PPARGC1A: variants seen among roughly 807,000 people sequenced by gnomAD.
PPARGC1A encodes the protein PPARG coactivator 1 alpha.
In PPARGC1A, 25 loss-of-function variants were observed where a neutral mutation model predicts 88.7. The ratio of observed to expected loss-of-function variants is 0.28; its 90% CI spans 0.21 to 0.39. The LOEUF (loss-of-function observed/expected upper bound fraction) is 0.39, where lower values mean the gene tolerates loss of function less well. Among genes scored for constraint, PPARGC1A ranks in the 10% least tolerant of loss-of-function variants. The pLI is 1.00. For missense variants in PPARGC1A, 880 were observed against 968.7 expected (o/e 0.91, Z 1.22); for synonymous variants, 363 against 355.6 (o/e 1.02, Z -0.24).
At chr4:24,222,461 C>T in the PPARGC1A span, among the ~76,000 whole-genome samples, 39 of 152,264 alleles carry the variant, frequency 2.6e-4, no homozygotes, top group Admixed American at 2.0e-3. Context: ...GATGAGCTAA[C>T]GTATACAAAG....
the PPARGC1A span, among the ~76,000 whole-genome samples, chr4:24,443,261 T>C: frequency 1.3e-5 from 2 of 151,958 alleles, 1 homozygote; most frequent in Admixed American, 1.3e-4. Context: ...TGGGTTTTTT[T>C]TTTTTTTTTA....
Position 23,898,757 on chromosome 4 carries a change from A to T in PPARGC1A, n.52+510T>A, listed in dbSNP as rs538679975. ...AGGGTCCAGATTGTACTTTGCACCA[A>T]GCAGGTGATCAGAGTAAATTCTTTC... On this transcript the variant is annotated intron_variant and non_coding_transcript_variant, in intron 1 of 3. Coordinates refer to the PPARGC1A transcript ENST00000507342. Among the ~76,000 whole-genome samples the T allele has an allele frequency of 2.6e-5, 4 of 152,292 alleles. No homozygotes were observed. In the East Asian group the frequency reaches 7.7e-4, roughly 29 times the overall value.
the PPARGC1A span, chr4:24,091,442 T>G: frequency 1.0e-6 from 1 of 985,284 alleles, no homozygotes. Flanking sequence ...ATTTGGGTCC[T>G]GTGTGGAGCT....
At chr4:24,206,595 G>A in the PPARGC1A span, among the ~76,000 whole-genome samples, 1 of 152,126 alleles carries the variant, frequency 6.6e-6, no homozygotes, top group African/African-American at 2.4e-5. Flanking sequence ...ACTTTGGGAG[G>A]CTGAGGCAGG....
chr4:24,262,617 C>A, the PPARGC1A span, among the ~76,000 whole-genome samples: 2 of 152,046 alleles, frequency 1.3e-5, no homozygotes, highest in African/African-American at 2.4e-5. Flanking sequence ...CTTTCCAGAC[C>A]CCTTTGGCTA....
At chr4:24,258,334 G>T in the PPARGC1A span, 3 of 269,362 alleles carry the variant, frequency 1.1e-5, no homozygotes, top group Non-Finnish European at 1.7e-5. Flanking sequence ...AGGCAATAAG[G>T]TTTTAAATTA....
chr4:24,235,074 T>C, the PPARGC1A span, among the ~76,000 whole-genome samples: 7 of 152,102 alleles, frequency 4.6e-5, no homozygotes, highest in Admixed American at 2.0e-4. Context: ...TTAGTAATGA[T>C]GCATCAAGAA....
At chr4:23,897,170 C>T (rs569911291) in intron 1 of PPARGC1A, among the ~76,000 whole-genome samples, 1 of 152,318 alleles carries the variant, frequency 6.6e-6, no homozygotes, top group African/African-American at 2.4e-5. Context: ...TGGGCCTTTT[C>T]TGCAGATCAT....
At chr4:24,198,267 TATGC>T in the PPARGC1A span, among the ~76,000 whole-genome samples, 1 of 152,236 alleles carries the variant, frequency 6.6e-6, no homozygotes, top group Non-Finnish European at 1.5e-5. Context: ...TCAAGCATAA[TATGC>T]ATGCATGTAT....
chr4:23,855,441 TGAG>T (rs1730023015), intron 2 of PPARGC1A, among the ~76,000 whole-genome samples: 1 of 152,214 alleles, frequency 6.6e-6, no homozygotes, highest in Admixed American at 6.5e-5. Flanking sequence ...GTCAAATATA[TGAG>T]GATTACTTAG....
chr4:24,441,972 T>A, the PPARGC1A span, among the ~76,000 whole-genome samples: 2 of 152,326 alleles, frequency 1.3e-5, no homozygotes, highest in South Asian at 4.1e-4. Context: ...GACATTTAAG[T>A]GGTCATGCAT....
the PPARGC1A span, among the ~76,000 whole-genome samples, chr4:23,917,774 G>A: frequency 6.6e-6 from 1 of 152,176 alleles, no homozygotes; most frequent in Non-Finnish European, 1.5e-5. Flanking sequence ...AAAATTAGTA[G>A]TGCCAATGTA....
chr4:23,928,106 G>A, the PPARGC1A span, among the ~76,000 whole-genome samples: 1 of 151,998 alleles, frequency 6.6e-6, no homozygotes, highest in African/African-American at 2.4e-5. Context: ...TATCAACCCC[G>A]GTCTGATGCA....
intron 2 of PPARGC1A, among the ~76,000 whole-genome samples, chr4:23,860,960 C>T (rs1731143132): frequency 6.6e-6 from 1 of 152,146 alleles, no homozygotes. Flanking sequence ...CAGGTAATAC[C>T]AGTTGCATGC....
the PPARGC1A span, among the ~76,000 whole-genome samples, chr4:24,285,147 T>C: frequency 1.3e-5 from 2 of 152,210 alleles, no homozygotes; most frequent in African/African-American, 4.8e-5. Context: ...ATAAAGTTAA[T>C]CTTGGACACA....
the PPARGC1A span, among the ~76,000 whole-genome samples, chr4:24,251,288 T>C: frequency 6.6e-6 from 1 of 152,252 alleles, no homozygotes; most frequent in African/African-American, 2.4e-5. Context: ...AGCCTTCTGT[T>C]AAATAAACAA....
At chr4:23,985,403 T>A in the PPARGC1A span, among the ~76,000 whole-genome samples, 1 of 151,800 alleles carries the variant, frequency 6.6e-6, no homozygotes, top group African/African-American at 2.4e-5. Flanking sequence ...CACTGTCCAA[T>A]GTACAGAGGT....
chr4:23,889,796 A>G (rs929889678), intron 1 of PPARGC1A, 108 bp downstream of exon 1: 7 of 1,321,124 alleles, frequency 5.3e-6, no homozygotes, highest in Non-Finnish European at 6.2e-6. Context: ...TGCCTGGACT[A>G]CTTTCCTGGC....
chr4:24,391,091 CA>C, the PPARGC1A span, among the ~76,000 whole-genome samples: 2 of 152,126 alleles, frequency 1.3e-5, no homozygotes, highest in East Asian at 3.9e-4. Flanking sequence ...GAAATTCTTA[CA>C]AAAAATCTAA....
Sources: allele counts gnomAD v4.1 joint callset (sites outside exome capture counted in the v4.1 genomes callset), GRCh38; gene constraint gnomAD v4.1.1; transcripts MANE v1.5; gene names NCBI Gene and HGNC (gene_info 2026-07-23, HGNC 2026-07-21).